The following MAEA variants were observed in gnomAD, a reference collection of about 807,000 sequenced individuals.
MAEA encodes the protein macrophage erythroblast attacher, E3 ubiquitin ligase.
In MAEA, 22 loss-of-function variants were observed where a neutral mutation model predicts 46.2. The ratio of observed to expected loss-of-function variants is 0.48; its 90% CI spans 0.34 to 0.68. The LOEUF (loss-of-function observed/expected upper bound fraction) is 0.68. Ranked by LOEUF, MAEA falls within the 30% of genes least tolerant of loss-of-function variation. The pLI is 0.01. For synonymous variants in MAEA, 246 were observed against 222.6 expected (o/e 1.11, Z -0.94); for missense variants, 393 against 558.1 (o/e 0.70, Z 2.98).
At chr4:1,294,713 G>C (rs1734456282) in intron 1 of MAEA, among the ~76,000 whole-genome samples, 1 of 150,744 alleles carries the variant, frequency 6.6e-6, no homozygotes, top group African/African-American at 2.4e-5. Flanking sequence ...TGGGAGGGAG[G>C]CATCAGCACA....
Position 1,339,065 on chromosome 4 carries a change from A to G in MAEA, c.1096-9A>G. On this transcript the variant is annotated splice_polypyrimidine_tract_variant and intron_variant, in intron 8 of 8. Coordinates refer to ENST00000303400, the MANE Select transcript of MAEA (RefSeq NM_001017405.3). ...CTTGCCTTAATGCATTCCCGGTTTT[A>G]TTTTTCAGTCTCTGCTTTCTATCCG... The G allele has an allele frequency of 6.2e-7, 1 of 1,611,152 alleles. No homozygotes were observed. Among genetic ancestry groups the G allele is most frequent in the Non-Finnish European group, 8.5e-7 (1 of 1,177,600 alleles).
intron 6 of MAEA, among the ~76,000 whole-genome samples, chr4:1,333,835 G>A (rs1243718364): frequency 7.1e-4 from 1 of 1,400 alleles, no homozygotes; most frequent in Non-Finnish European, 1.2e-3. Context: ...CATGCCCACC[G>A]TGTGCTCACC....
At chr4:1,309,092 A>G (rs1188821098) in intron 1 of MAEA, among the ~76,000 whole-genome samples, 2 of 152,094 alleles carry the variant, frequency 1.3e-5, no homozygotes, top group Non-Finnish European at 2.9e-5. Flanking sequence ...CCCTCTCTGC[A>G]TTGCTGTTTC....
At chr4:1,294,880 T>G (rs1734482535) in intron 1 of MAEA, among the ~76,000 whole-genome samples, 1 of 152,042 alleles carries the variant, frequency 6.6e-6, no homozygotes, top group African/African-American at 2.4e-5. Context: ...TGTGAGCTGG[T>G]TGGCGGAGCT....
chr4:1,326,841 T>C lies in MAEA; in HGVS notation c.580-786T>C, dbSNP rs191897789. On this transcript the variant is annotated intron_variant, in intron 4 of 8. Coordinates refer to ENST00000303400, the MANE Select transcript of MAEA (RefSeq NM_001017405.3). ...GCCCCGGCTTCTGCCCGCCATGTTC[T>C]CGCCAGGTGTCTGTGCGGTCCCCCG... 3.3e-5 allele frequency among the ~76,000 whole-genome samples: 5 copies of C among 152,332 alleles called. No homozygotes were observed. In the East Asian group the frequency reaches 7.7e-4, roughly 24 times the overall value.
At position 1,337,009 on chromosome 4, in the gene MAEA, G is replaced by C; in HGVS notation, c.899+15G>C. ...ATCAAGACACCGTATCCTACCTCCC[G>C]TGCGCAGTGCGGTTTGGCCTGGGGT... On this transcript the variant is annotated intron_variant, in intron 7 of 8. Coordinates refer to ENST00000303400, the MANE Select transcript of MAEA (RefSeq NM_001017405.3). 6.2e-7 allele frequency: 1 copy of C among 1,612,716 alleles called. No homozygotes were observed. Among genetic ancestry groups the C allele is most frequent in the South Asian group, 1.1e-5 (1 of 91,064 alleles).
chr4:1,339,052 C>T (rs1713188029), intron 8 of MAEA, 22 bp from the exon 9 acceptor site: 1 of 1,579,494 alleles, frequency 6.3e-7, no homozygotes, highest in Non-Finnish European at 8.7e-7. Context: ...TGCCTTAATG[C>T]ATTCCCGGTT....
intron 6 of MAEA, among the ~76,000 whole-genome samples, chr4:1,336,560 A>G (rs914161853): frequency 6.6e-5 from 10 of 151,946 alleles, no homozygotes; most frequent in Non-Finnish European, 1.5e-4. Context: ...CTGGCCTCGC[A>G]GTGTGTTGAA....
chr4:1,308,600 A>T (rs1019299052), intron 1 of MAEA, among the ~76,000 whole-genome samples: 2 of 152,164 alleles, frequency 1.3e-5, no homozygotes, highest in African/African-American at 4.8e-5. Flanking sequence ...GTGTTGAGTG[A>T]TCGCCGTCCT....
chr4:1,315,193 G>A (rs1436203407), intron 2 of MAEA, among the ~76,000 whole-genome samples: 1 of 152,194 alleles, frequency 6.6e-6, no homozygotes, highest in Non-Finnish European at 1.5e-5. Flanking sequence ...CAGATCCAGG[G>A]TGGTGGATTT....
At chr4:1,319,739 C>CA (rs879445582) in intron 3 of MAEA, among the ~76,000 whole-genome samples, 1,460 of 71,108 alleles carry the variant, frequency 0.021, 13 homozygotes, top group South Asian at 0.032. Flanking sequence ...GACCCTGTCT[C>CA]AAAAAAAAAA....
At chr4:1,301,218 T>C (rs1735289989) in intron 1 of MAEA, among the ~76,000 whole-genome samples, 1 of 152,146 alleles carries the variant, frequency 6.6e-6, no homozygotes, top group African/African-American at 2.4e-5. Context: ...CGGCAAACGC[T>C]GGAGAAGGTT....
At chr4:1,312,753 T>C (rs1014562359) in intron 2 of MAEA, among the ~76,000 whole-genome samples, 4 of 152,098 alleles carry the variant, frequency 2.6e-5, no homozygotes, top group African/African-American at 9.7e-5. Flanking sequence ...AGATGGAATT[T>C]CACCTCCAAG....
intron 3 of MAEA, among the ~76,000 whole-genome samples, chr4:1,321,906 C>T (rs1261752770): frequency 4.2e-5 from 6 of 143,718 alleles, no homozygotes; most frequent in African/African-American, 1.6e-4. Flanking sequence ...TCATATAAAT[C>T]ATTGGTTGTA....
At chr4:1,320,553 CCT>C (rs1560364769) in intron 3 of MAEA, among the ~76,000 whole-genome samples, 5 of 146,454 alleles carry the variant, frequency 3.4e-5, no homozygotes, top group African/African-American at 1.0e-4. Context: ...TCAAAGCAAA[CCT>C]GCAAGAAAAT....
At chr4:1,306,794 C>G (rs1005153132) in intron 1 of MAEA, among the ~76,000 whole-genome samples, 1 of 152,184 alleles carries the variant, frequency 6.6e-6, no homozygotes, top group Non-Finnish European at 1.5e-5. Flanking sequence ...GATTTTCTCC[C>G]TTGTTTCCTT....
At chr4:1,295,971 C>T (rs1409201082) in intron 1 of MAEA, among the ~76,000 whole-genome samples, 1 of 72,698 alleles carries the variant, frequency 1.4e-5, no homozygotes, top group Non-Finnish European at 2.4e-5. Context: ...GTGCCCCCCT[C>T]ACCCACGTCT....
At chr4:1,317,688 G>T (rs549705256) in intron 3 of MAEA, among the ~76,000 whole-genome samples, 17 of 152,184 alleles carry the variant, frequency 1.1e-4, no homozygotes, top group Non-Finnish European at 1.8e-4. Flanking sequence ...TCTCGGCACC[G>T]CTGGGGTATG....
intron 1 of MAEA, 31 bp downstream of exon 1, chr4:1,290,013 A>C (rs1733928293): frequency 7.1e-6 from 11 of 1,545,076 alleles, no homozygotes; most frequent in Non-Finnish European, 9.6e-6. Context: ...GGCTGAGGGC[A>C]GCGAAGGCGT....
Sources: allele counts gnomAD v4.1 joint callset (sites outside exome capture counted in the v4.1 genomes callset), GRCh38; gene constraint gnomAD v4.1.1; transcripts MANE v1.5; gene names NCBI Gene and HGNC (gene_info 2026-07-23, HGNC 2026-07-21).